Variants in TBC1D14 observed in about 807,000 individuals in gnomAD.
The protein encoded by TBC1D14 is TBC1 domain family, member 14.
In TBC1D14, 26 loss-of-function variants were observed where a neutral mutation model predicts 79.0. The ratio of observed to expected loss-of-function variants is 0.33; its 90% CI spans 0.24 to 0.46. TBC1D14 has a LOEUF of 0.46. Among genes scored for constraint, TBC1D14 ranks in the 20% least tolerant of loss-of-function variants. The probability of loss-of-function intolerance (pLI) is 1.00; values close to 1 mark genes in which losing one functional copy is unlikely to be tolerated. For synonymous variants in TBC1D14, 394 were observed against 349.9 expected (o/e 1.13, Z -1.40); for missense variants, 769 against 887.6 (o/e 0.87, Z 1.70).
intron 10 of TBC1D14, 118 bp from the exon 11 acceptor site, chr4:7,010,535 G>T: frequency 7.9e-7 from 1 of 1,267,228 alleles, no homozygotes; most frequent in Non-Finnish European, 1.1e-6. Context: ...GGAGGAGTGG[G>T]GCGGCTCTAG....
In TBC1D14 at chr4:7,001,172, A is replaced by ATGGTGGCAGGGAATCCCTCCAAGTG; in HGVS notation, c.1194_1218dup (p.Arg407ValfsTer29). On this transcript the variant is annotated frameshift_variant, in exon 7 of 14. Transcript: ENST00000409757. LOFTEE classifies it high-confidence loss of function. ...GGTGCTCTAGAAAAGTTCGAGATTT[A>ATGGTGGCAGGGAATCCCTCCAAGTG]TGGTGGCAGGGAATCCCTCCAAGTG... 1 of 1,614,116 alleles carries ATGGTGGCAGGGAATCCCTCCAAGTG rather than the reference A, an allele frequency of 6.2e-7. No individual in the cohort carries two copies. Among genetic ancestry groups the ATGGTGGCAGGGAATCCCTCCAAGTG allele is most frequent in the Non-Finnish European group, 8.5e-7 (1 of 1,180,014 alleles).
At position 7,030,466 on chromosome 4, in the gene TBC1D14, A is replaced by G. The variant is rs1167993295; in HGVS notation, c.*74A>G. The G allele has an allele frequency of 4.9e-5, 74 of 1,502,672 alleles. No individual in the cohort carries two copies. In the East Asian group the frequency reaches 1.6e-3, roughly 32 times the overall value. 93.1% of individuals were successfully genotyped at this position (1,502,672 alleles called of 1,614,324 possible). A position where few individuals can be genotyped will look rare whatever the true frequency, so the allele number is the denominator to read the frequency against. ...GGCCCCTCTGTTGTTTCAGACTGAC[A>G]CCCGGGCAGCCGAGAAGAACAGACG... On this transcript the variant is annotated 3_prime_UTR_variant, in exon 14 of 14. Coordinates refer to ENST00000409757, the MANE Select transcript of TBC1D14 (RefSeq NM_020773.3).
intron 2 of TBC1D14, among the ~76,000 whole-genome samples, chr4:6,953,041 T>C (rs1420825716): frequency 1.4e-5 from 2 of 146,224 alleles, no homozygotes; most frequent in South Asian, 2.2e-4. Context: ...TTTTTTTTTT[T>C]CTGAGACAGA....
chr4:6,948,699 G>C (rs1713722560), intron 2 of TBC1D14, among the ~76,000 whole-genome samples: 2 of 148,470 alleles, frequency 1.3e-5, no homozygotes, highest in African/African-American at 5.1e-5. Context: ...ACAAGGTAGG[G>C]GTACTTGGTT....
chr4:6,942,700 A>G (rs1357181535), intron 2 of TBC1D14, among the ~76,000 whole-genome samples: 3 of 152,170 alleles, frequency 2.0e-5, no homozygotes, highest in African/African-American at 7.2e-5. Context: ...GCGGGTCAAA[A>G]GGAGTGGGCT....
At chr4:6,981,538 A>G (rs773770555) in intron 3 of TBC1D14, among the ~76,000 whole-genome samples, 27 of 152,336 alleles carry the variant, frequency 1.8e-4, no homozygotes, top group African/African-American at 5.5e-4. Context: ...TTAAAGGCCA[A>G]TCTTACCCTG....
chr4:6,934,491 A>G (rs1313927037), intron 2 of TBC1D14, among the ~76,000 whole-genome samples: 2 of 151,896 alleles, frequency 1.3e-5, no homozygotes, highest in South Asian at 2.1e-4. Context: ...AAACCCCATC[A>G]CTACTAAAAA....
intron 11 of TBC1D14, among the ~76,000 whole-genome samples, chr4:7,013,446 G>A (rs1404858189): frequency 2.0e-5 from 3 of 152,232 alleles, no homozygotes; most frequent in African/African-American, 7.2e-5. Flanking sequence ...GCAGAACTGG[G>A]CCACTATCAG....
intron 2 of TBC1D14, among the ~76,000 whole-genome samples, chr4:6,934,399 T>G (rs1712100992): frequency 6.6e-6 from 1 of 151,984 alleles, no homozygotes; most frequent in African/African-American, 2.4e-5. Context: ...GCAGGGCAGA[T>G]GAGGACTCAG....
chr4:6,922,711 A>G (rs544917828), intron 1 of TBC1D14, among the ~76,000 whole-genome samples: 1 of 152,224 alleles, frequency 6.6e-6, no homozygotes, highest in South Asian at 2.1e-4. Context: ...CATACTTTTG[A>G]CAGATTATCA....
At chr4:6,973,061 A>G (rs1716359139) in intron 3 of TBC1D14, among the ~76,000 whole-genome samples, 1 of 152,222 alleles carries the variant, frequency 6.6e-6, no homozygotes, top group Admixed American at 6.5e-5. Context: ...ATTGTTGGAA[A>G]GATAGCCGCA....
chr4:6,912,882 A>G (rs966949214), intron 1 of TBC1D14, among the ~76,000 whole-genome samples: 1 of 152,362 alleles, frequency 6.6e-6, no homozygotes, highest in East Asian at 1.9e-4. Context: ...CCAAGCTTAC[A>G]CAGCTGGTGA....
At chr4:6,969,221 A>C (rs889751262) in intron 3 of TBC1D14, among the ~76,000 whole-genome samples, 2 of 152,224 alleles carry the variant, frequency 1.3e-5, no homozygotes, top group African/African-American at 2.4e-5. Context: ...CAATTAAAGT[A>C]TGATGAGTTT....
At chr4:6,956,226 G>A (rs927301053) in intron 2 of TBC1D14, among the ~76,000 whole-genome samples, 1 of 152,106 alleles carries the variant, frequency 6.6e-6, no homozygotes, top group Non-Finnish European at 1.5e-5. Flanking sequence ...CTAGATCTGC[G>A]CCTGCGAACA....
chr4:6,975,549 T>A (rs1271456523), intron 3 of TBC1D14, among the ~76,000 whole-genome samples: 1 of 152,160 alleles, frequency 6.6e-6, no homozygotes, highest in Admixed American at 6.5e-5. Context: ...ACTGCCGAGA[T>A]AACACAGATG....
At chr4:6,938,312 A>C (rs1712545496) in intron 2 of TBC1D14, among the ~76,000 whole-genome samples, 1 of 152,032 alleles carries the variant, frequency 6.6e-6, no homozygotes, top group African/African-American at 2.4e-5. Flanking sequence ...ATGCTCGGCC[A>C]CCCTGCCCTT....
At chr4:7,023,627 A>G (rs1321791705) in intron 12 of TBC1D14, among the ~76,000 whole-genome samples, 1 of 152,190 alleles carries the variant, frequency 6.6e-6, no homozygotes, top group African/African-American at 2.4e-5. Context: ...CTGCTGCCTC[A>G]TGGTGTGTGC....
intron 2 of TBC1D14, among the ~76,000 whole-genome samples, chr4:6,953,315 G>T (rs1277730438): frequency 7.6e-6 from 1 of 131,796 alleles, no homozygotes. Context: ...GAGCCACCAC[G>T]CCCAGCCATA....
intron 6 of TBC1D14, among the ~76,000 whole-genome samples, chr4:6,999,639 C>T (rs887137833): frequency 6.6e-6 from 1 of 152,096 alleles, no homozygotes; most frequent in Non-Finnish European, 1.5e-5. Flanking sequence ...TCCTTTTAAA[C>T]CTGGGGCCTC....
Sources: gnomAD v4.1 joint callset for allele counts (sites outside exome capture counted in the v4.1 genomes callset) on GRCh38, gnomAD v4.1.1 for gene constraint, MANE v1.5 for transcripts, NCBI Gene and HGNC (gene_info 2026-07-23, HGNC 2026-07-21) for gene names.